The following AIM2 variants were observed in gnomAD, a reference collection of about 807,000 sequenced individuals.
The protein encoded by AIM2 is absent in melanoma 2.
In AIM2, 30 loss-of-function variants were observed where a neutral mutation model predicts 27.7. The ratio of observed to expected loss-of-function variants is 1.08; its 90% confidence interval spans 0.81 to 1.47. AIM2 has a LOEUF of 1.47. AIM2 is among the 40% of genes most tolerant of loss of function. The pLI is 0.00. For missense variants in AIM2, 358 were observed against 411.3 expected, an observed-to-expected ratio of 0.87 and a Z score of 1.12; for synonymous variants, 141 against 145.3, an observed-to-expected ratio of 0.97 and a Z score of 0.21.
intron 1 of AIM2, among the ~76,000 whole-genome samples, chr1:159,093,805 G>A (rs1316737149): frequency 1.3e-5 from 2 of 151,276 alleles, no homozygotes; most frequent in Non-Finnish European, 2.9e-5. Flanking sequence ...GCACAATCTC[G>A]GCTCACTGCA....
chr1:159,092,174 T>G (rs183902385), intron 1 of AIM2, among the ~76,000 whole-genome samples: 1 of 152,336 alleles, frequency 6.6e-6, no homozygotes, highest in Non-Finnish European at 1.5e-5. Flanking sequence ...CTATTCACAA[T>G]TTTAGCAGTA....
chr1:159,069,717 A>G (rs746767055), intron 2 of AIM2, among the ~76,000 whole-genome samples: 1 of 151,710 alleles, frequency 6.6e-6, no homozygotes, highest in Non-Finnish European at 1.5e-5. Flanking sequence ...TAATTTTTGT[A>G]TTTTTTTAGT....
At chr1:159,096,027 A>C (rs1266290053) in intron 1 of AIM2, among the ~76,000 whole-genome samples, 1 of 152,230 alleles carries the variant, frequency 6.6e-6, no homozygotes, top group African/African-American at 2.4e-5. Context: ...TCATGTTACC[A>C]CAAGCCAGAT....
Position 159,066,068 on chromosome 1 carries a change from C to T in AIM2, c.658G>A (p.Glu220Lys). 6.2e-7 allele frequency: 1 copy of T among 1,614,174 alleles called. No individual in the cohort carries two copies. The highest frequency in any genetic ancestry group is 8.5e-7 in the Non-Finnish European group (1 of 1,180,032). The change falls in exon 4 of 6, where the codon GAG becomes AAG. Residue 220 changes from glutamate to lysine, a missense_variant. By Grantham distance (56) the Glu-to-Lys change is moderately conservative (BLOSUM62 1). Coordinates refer to ENST00000368130, the MANE Select transcript of AIM2 (RefSeq NM_004833.3). Reference protein sequence around the residue: ...ARYYRHSGFLEVNSASRVLDA... With the variant: ...ARYYRHSGFLKVNSASRVLDA... ...AACACACGTGAGGCGCTATTTACCTCTAAGAAACCACTGTGCCGATAATAT... is the reference window on the plus strand; with the variant it reads ...AACACACGTGAGGCGCTATTTACCTTTAAGAAACCACTGTGCCGATAATAT...
chr1:159,080,684 G>A (rs900932556), upstream of AIM2, among the ~76,000 whole-genome samples: 1 of 152,156 alleles, frequency 6.6e-6, no homozygotes, highest in African/African-American at 2.4e-5. Context: ...TGTTGGTCTT[G>A]ACACAACACT....
At chr1:159,075,690 C>T (rs1174043710) in intron 1 of AIM2, among the ~76,000 whole-genome samples, 2 of 150,682 alleles carry the variant, frequency 1.3e-5, no homozygotes, top group Non-Finnish European at 3.0e-5. Flanking sequence ...AATAAGAAAA[C>T]AACAGTCTAT....
At chr1:159,057,936 C>T (rs1400064915), downstream of AIM2, among the ~76,000 whole-genome samples, 1 of 152,198 alleles carries the variant, frequency 6.6e-6, no homozygotes, top group Non-Finnish European at 1.5e-5. Flanking sequence ...CACAAGGAGT[C>T]TCAGATAAGA....
upstream of AIM2, among the ~76,000 whole-genome samples, chr1:159,080,214 T>C (rs1386964338): frequency 6.6e-6 from 1 of 152,220 alleles, no homozygotes; most frequent in African/African-American, 2.4e-5. Flanking sequence ...AATTGCTGTG[T>C]TGTATAATAA....
chr1:159,055,139 C>CT, the AIM2 span: 1 of 310,328 alleles, frequency 3.2e-6, no homozygotes, highest in Non-Finnish European at 6.0e-6. Flanking sequence ...TAAACATTAT[C>CT]TTTTTTGTGA....
At chr1:159,081,572 AT>A, upstream of AIM2, 1 of 483,174 alleles carries the variant, frequency 2.1e-6, no homozygotes, top group South Asian at 1.5e-5. Flanking sequence ...TTGAGTATTG[AT>A]TTTGCAGTCT....
intron 3 of AIM2, among the ~76,000 whole-genome samples, chr1:159,066,907 G>A (rs1361671774): frequency 6.6e-6 from 1 of 152,138 alleles, no homozygotes; most frequent in Non-Finnish European, 1.5e-5. Context: ...AATTTAAAAG[G>A]AGAATTAATA....
chr1:159,141,273 G>A (rs1458697219), upstream of AIM2, among the ~76,000 whole-genome samples: 1 of 152,176 alleles, frequency 6.6e-6, no homozygotes, highest in African/African-American at 2.4e-5. Context: ...GGTCTCAGAG[G>A]TCAAAGGAGG....
chr1:159,126,834 G>GA (rs946223827), intron 1 of AIM2, among the ~76,000 whole-genome samples: 2 of 151,794 alleles, frequency 1.3e-5, no homozygotes, highest in African/African-American at 4.8e-5. Context: ...AAAAAACCTG[G>GA]AAAAAAACTG....
At chr1:159,056,115 G>C in the AIM2 span, among the ~76,000 whole-genome samples, 1 of 152,184 alleles carries the variant, frequency 6.6e-6, no homozygotes, top group African/African-American at 2.4e-5. Context: ...GAAAAGTTAG[G>C]CTCGCAGACA....
chr1:159,110,182 T>A (rs773380517), intron 1 of AIM2, among the ~76,000 whole-genome samples: 1 of 151,804 alleles, frequency 6.6e-6, no homozygotes, highest in Non-Finnish European at 1.5e-5. Flanking sequence ...CCAATGAGGA[T>A]AAAGAGACTG....
chr1:159,056,056 G>A, the AIM2 span, among the ~76,000 whole-genome samples: 1 of 152,196 alleles, frequency 6.6e-6, no homozygotes, highest in African/African-American at 2.4e-5. Context: ...ACTGTTGCAG[G>A]AATTTTCCTT....
chr1:159,106,442 T>C lies in AIM2; in HGVS notation c.-16+33989A>G, dbSNP rs553686270. Among the ~76,000 whole-genome samples the C allele has an allele frequency of 7.2e-5, 11 of 152,376 alleles. No homozygotes were observed. In the South Asian group the frequency reaches 2.3e-3, roughly 32 times the overall value. On this transcript the variant is annotated intron_variant, in intron 1 of 2. Coordinates refer to the AIM2 transcript ENST00000368129. The stretch of plus-strand genomic sequence containing the variant: ...GTGTTCAATATATGTTACCTATTAT[T>C]ATGCTTATAGCTGTCAAGGTTGTGG...
intron 1 of AIM2, among the ~76,000 whole-genome samples, chr1:159,090,039 G>A (rs187189434): frequency 2.1e-4 from 32 of 152,274 alleles, no homozygotes; most frequent in Admixed American, 1.7e-3. Context: ...AGGATTTAGG[G>A]TCTATGAGGA....
chr1:159,141,602 C>T (rs1648111878), upstream of AIM2, among the ~76,000 whole-genome samples: 1 of 152,090 alleles, frequency 6.6e-6, no homozygotes, highest in Non-Finnish European at 1.5e-5. Flanking sequence ...GAGGCACCTG[C>T]CAGGTGACCA....
Sources: allele counts gnomAD v4.1 joint callset (sites outside exome capture counted in the v4.1 genomes callset), GRCh38; gene constraint gnomAD v4.1.1; transcripts MANE v1.5; gene names NCBI Gene and HGNC (gene_info 2026-07-23, HGNC 2026-07-21).